The following WDPCP variants were observed in gnomAD, a reference collection of about 807,000 sequenced individuals.
The protein encoded by WDPCP is WD repeat-containing and planar cell polarity effector protein fritz homolog.
WDPCP carries 71 observed loss-of-function variants against 93.1 expected under a neutral mutation model. The ratio of observed to expected loss-of-function variants is 0.76; its 90% CI spans 0.63 to 0.93. The LOEUF (loss-of-function observed/expected upper bound fraction) is 0.93, where lower values mean the gene tolerates loss of function less well. WDPCP is among the 40% of genes least tolerant of loss of function. The pLI is 0.00. For missense variants in WDPCP, 844 were observed against 887.4 expected (o/e 0.95, Z 0.62); for synonymous variants, 315 against 315.0 (o/e 1.00, Z 0.00).
chr2:63,164,099 A>C (rs754919952), intron 15 of WDPCP, among the ~76,000 whole-genome samples: 11 of 152,230 alleles, frequency 7.2e-5, no homozygotes, highest in Non-Finnish European at 1.6e-4. Context: ...TTCTACAATA[A>C]ATAATTTTAG....
At chr2:63,484,582 A>T in intron 6 of WDPCP, 22 bp downstream of exon 6, 1 of 1,612,432 alleles carries the variant, frequency 6.2e-7, no homozygotes, top group Non-Finnish European at 8.5e-7. Context: ...AAACACTGCA[A>T]AGGCTTGTCA....
chr2:63,669,152 G>A (rs1193878192), intron 2 of WDPCP, among the ~76,000 whole-genome samples: 1 of 152,128 alleles, frequency 6.6e-6, no homozygotes, highest in Non-Finnish European at 1.5e-5. Context: ...CAAAACATTA[G>A]GGAGAAAGAT....
chr2:63,365,471 A>G (rs1690829096), intron 12 of WDPCP, among the ~76,000 whole-genome samples: 1 of 152,084 alleles, frequency 6.6e-6, no homozygotes, highest in Non-Finnish European at 1.5e-5. Flanking sequence ...TGACAAAGTT[A>G]AGAAAAGTGA....
chr2:63,557,062 A>G (rs952477042), intron 1 of WDPCP, among the ~76,000 whole-genome samples: 2 of 152,212 alleles, frequency 1.3e-5, no homozygotes, highest in Non-Finnish European at 1.5e-5. Context: ...CACTACAAAA[A>G]CACACTGAAG....
chr2:63,398,104 G>C (rs186480208), intron 10 of WDPCP, among the ~76,000 whole-genome samples: 1 of 152,064 alleles, frequency 6.6e-6, no homozygotes, highest in African/African-American at 2.4e-5. Context: ...TGAACTGAGA[G>C]GGAAAGATTC....
At chr2:63,706,035 C>T (rs570808787) in intron 2 of WDPCP, among the ~76,000 whole-genome samples, 2 of 152,194 alleles carry the variant, frequency 1.3e-5, no homozygotes, top group Non-Finnish European at 2.9e-5. Context: ...TGAATTGATC[C>T]CTTTACCATT....
chr2:63,140,381 G>A (rs1298530902), intron 17 of WDPCP, among the ~76,000 whole-genome samples: 3 of 152,042 alleles, frequency 2.0e-5, no homozygotes, highest in African/African-American at 7.2e-5. Flanking sequence ...GGACTACATT[G>A]AATTTGTAGA....
intron 2 of WDPCP, among the ~76,000 whole-genome samples, chr2:63,767,012 C>T (rs1670152755): frequency 1.3e-5 from 2 of 152,030 alleles, no homozygotes; most frequent in African/African-American, 4.8e-5. Flanking sequence ...CCCACCCTCA[C>T]CCCATCCCCA....
chr2:63,725,369 C>T (rs1033769728), intron 2 of WDPCP, among the ~76,000 whole-genome samples: 3 of 152,166 alleles, frequency 2.0e-5, no homozygotes, highest in Non-Finnish European at 2.9e-5. Flanking sequence ...CTGCAAAGGA[C>T]ATAGTTTCAT....
intron 1 of WDPCP, among the ~76,000 whole-genome samples, chr2:63,501,687 G>C (rs1243028075): frequency 7.9e-6 from 1 of 127,074 alleles, no homozygotes; most frequent in African/African-American, 2.6e-5. Flanking sequence ...CGCGATCTCA[G>C]CTCACTGCAA....
In WDPCP at chr2:63,588,253, A is replaced by G; in HGVS notation, c.19T>C (p.Trp7Arg). The G allele has an allele frequency of 4.4e-6, 7 of 1,576,988 alleles. No individual in the cohort carries two copies. Among genetic ancestry groups the G allele is most frequent in the Non-Finnish European group, 6.0e-6 (7 of 1,158,930 alleles). The change falls in exon 1 of 18, where the codon TGG becomes CGG. Residue 7 changes from tryptophan (W) to arginine (R), a missense_variant. Physicochemically the swap from Trp to Arg is moderately radical, Grantham distance 101. Coordinates refer to ENST00000272321, the MANE Select transcript of WDPCP (RefSeq NM_015910.7). The stretch of plus-strand genomic sequence containing the variant: ...CCGGCCGCTTTGGAGTAGGCGTCCC[A>G]GCAAAACTCTCGCCTCATCACCAGA... MRREFCWDAYSKAAGSR... is the reference protein window; with the variant it reads MRREFCRDAYSKAAGSR...
At chr2:63,466,238 T>C (rs1213543973) in intron 6 of WDPCP, among the ~76,000 whole-genome samples, 1 of 152,190 alleles carries the variant, frequency 6.6e-6, no homozygotes, top group African/African-American at 2.4e-5. Flanking sequence ...TGAGTAGTTA[T>C]AACTGCTTTT....
intron 2 of WDPCP, among the ~76,000 whole-genome samples, chr2:63,725,952 G>C (rs1017842644): frequency 1.3e-5 from 2 of 152,098 alleles, no homozygotes; most frequent in East Asian, 1.9e-4. Context: ...ACCTTTGCTG[G>C]ATGCATAGTT....
At chr2:63,231,895 A>G (rs1352645875) in intron 14 of WDPCP, among the ~76,000 whole-genome samples, 1 of 152,118 alleles carries the variant, frequency 6.6e-6, no homozygotes, top group African/African-American at 2.4e-5. Flanking sequence ...CCAAAGGAAC[A>G]AAGCTGGAGG....
chr2:63,760,722 T>C (rs924366266), intron 2 of WDPCP, among the ~76,000 whole-genome samples: 1 of 152,198 alleles, frequency 6.6e-6, no homozygotes, highest in Non-Finnish European at 1.5e-5. Flanking sequence ...AGGACAAGAA[T>C]CTCTTCCAAC....
chr2:63,266,127 A>G (rs776296486), intron 13 of WDPCP, among the ~76,000 whole-genome samples: 2 of 152,356 alleles, frequency 1.3e-5, no homozygotes, highest in South Asian at 2.1e-4. Context: ...TATCACTTCT[A>G]TTCAACACAG....
At chr2:63,426,068 G>T (rs1034652773) in intron 9 of WDPCP, among the ~76,000 whole-genome samples, 1 of 152,222 alleles carries the variant, frequency 6.6e-6, no homozygotes. Flanking sequence ...GGCCGGGCAT[G>T]GTGGCTCACG....
At chr2:63,249,454 G>A (rs1680542881) in intron 14 of WDPCP, among the ~76,000 whole-genome samples, 1 of 151,370 alleles carries the variant, frequency 6.6e-6, no homozygotes, top group African/African-American at 2.4e-5. Flanking sequence ...TTTAGACAAT[G>A]CCTGTAGCAT....
At chr2:63,364,047 T>A (rs1201256200) in intron 12 of WDPCP, among the ~76,000 whole-genome samples, 1 of 152,158 alleles carries the variant, frequency 6.6e-6, no homozygotes, top group Non-Finnish European at 1.5e-5. Flanking sequence ...CAAGTCCCTG[T>A]CTTTAAAAAA....
Sources: allele counts gnomAD v4.1 joint callset (sites outside exome capture counted in the v4.1 genomes callset), GRCh38; gene constraint gnomAD v4.1.1; transcripts MANE v1.5; gene names NCBI Gene and HGNC (gene_info 2026-07-23, HGNC 2026-07-21).